MYH9: variants seen among roughly 807,000 people sequenced by gnomAD.
MYH9 encodes myosin heavy chain 9, also known as myosin-9.
In MYH9, 29 loss-of-function variants were observed where a neutral mutation model predicts 241.9. That is an observed-to-expected ratio of 0.12 (90% confidence interval 0.09 to 0.16). MYH9 has a LOEUF of 0.16. Ranked by LOEUF, MYH9 falls within the 10% of genes least tolerant of loss-of-function variation. The pLI is 1.00. For synonymous variants in MYH9, 1,047 were observed against 1,062.6 expected (o/e 0.99, Z 0.29); for missense variants, 1,803 against 2,595.5 (o/e 0.69, Z 6.63).
intron 5 of MYH9, 29 bp downstream of exon 5, chr22:36,326,539 G>T (rs757497827): frequency 6.2e-7 from 1 of 1,601,426 alleles, no homozygotes; most frequent in South Asian, 1.1e-5. Context: ...CAAGCAGGCG[G>T]CCACAGGGAC....
intron 7 of MYH9, among the ~76,000 whole-genome samples, chr22:36,321,363 GC>G (rs1464839225): frequency 6.6e-6 from 1 of 152,158 alleles, no homozygotes; most frequent in Non-Finnish European, 1.5e-5. Context: ...CCTTCAAGGG[GC>G]ATGGCATGTC....
Position 36,306,423 on chromosome 22 carries a change from G to A in MYH9, c.2028C>T (p.His676=), listed in dbSNP as rs768833414. The part of the protein sequence containing the change: ...PNFVRCIIPN[H]EKKAGKLDPH... ...CACCAGGCAGCCGCACCTTCTTCTC[G>A]TGGTTGGGGATGATGCAGCGGACAA... is the stretch of plus-strand genomic sequence containing the variant. The change falls in exon 16 of 41, where the codon CAC becomes CAT. Residue 676 remains histidine, a synonymous_variant. Coordinates refer to ENST00000216181, the MANE Select transcript of MYH9 (RefSeq NM_002473.6). This position sits in a 1 kb window ranked among gnomAD's most constrained non-coding sequence, Gnocchi z 4.1. 13 of 1,613,996 alleles carry A rather than the reference G, an allele frequency of 8.1e-6. No homozygotes were observed. The highest frequency in any genetic ancestry group is 5.5e-5 in the South Asian group (5 of 91,092).
rs1377227571 is a variant in MYH9 at position 36,347,606 on chromosome 22, A to C, written c.333+1298T>G. On this transcript the variant is annotated intron_variant, in intron 2 of 40. Coordinates refer to ENST00000216181, the MANE Select transcript of MYH9 (RefSeq NM_002473.6). ...AAAAATTAGCCAGGCGTGGTGGCACAGGCCTGTAGTCCCAGCCACCAGAGA... is the reference window on the plus strand; with the variant it reads ...AAAAATTAGCCAGGCGTGGTGGCACCGGCCTGTAGTCCCAGCCACCAGAGA... Among the ~76,000 whole-genome samples the C allele has an allele frequency of 4.0e-5, 6 of 151,892 alleles. No individual in the cohort carries two copies. In the East Asian group the frequency reaches 1.2e-3, roughly 29 times the overall value.
At chr22:36,343,311 G>T (rs918788973) in intron 2 of MYH9, among the ~76,000 whole-genome samples, 2 of 152,136 alleles carry the variant, frequency 1.3e-5, no homozygotes, top group African/African-American at 4.8e-5. Flanking sequence ...CAGGGTGAGA[G>T]GATCGCTTGA....
intron 3 of MYH9, among the ~76,000 whole-genome samples, chr22:36,332,415 C>T (rs1017223744): frequency 6.6e-5 from 10 of 152,190 alleles, no homozygotes; most frequent in African/African-American, 2.4e-4. Context: ...CCTTCCGTCG[C>T]TCCCAGGCAC....
chr22:36,286,881 G>A (rs762808692), intron 34 of MYH9, 35 bp from the exon 35 acceptor site: 28 of 1,601,464 alleles, frequency 1.7e-5, no homozygotes, highest in Non-Finnish European at 2.4e-5. Flanking sequence ...ACCCCACCCA[G>A]CTCCTTGGCC....
chr22:36,347,358 G>C (rs947612699), intron 2 of MYH9, among the ~76,000 whole-genome samples: 1 of 151,832 alleles, frequency 6.6e-6, no homozygotes, highest in Non-Finnish European at 1.5e-5. Flanking sequence ...CAGAGTCCCA[G>C]AGCAAGTCTT....
intron 25 of MYH9, among the ~76,000 whole-genome samples, chr22:36,296,092 CG>C (rs2016783160): frequency 6.6e-6 from 1 of 152,182 alleles, no homozygotes; most frequent in Non-Finnish European, 1.5e-5. Flanking sequence ...GACAGGTCAA[CG>C]TAGGTTCACC....
At chr22:36,337,518 C>T (rs1190215663) in intron 3 of MYH9, among the ~76,000 whole-genome samples, 1 of 152,120 alleles carries the variant, frequency 6.6e-6, no homozygotes, top group African/African-American at 2.4e-5. Context: ...GATGGAGGTC[C>T]CCAGGAAGGG....
At chr22:36,339,383 A>G (rs190086360) in intron 3 of MYH9, among the ~76,000 whole-genome samples, 48 of 152,362 alleles carry the variant, frequency 3.2e-4, no homozygotes, top group Admixed American at 9.1e-4. Flanking sequence ...ACCTCTAGAG[A>G]CAAAGAATCA....
At chr22:36,332,627 G>A (rs1476508030) in intron 3 of MYH9, among the ~76,000 whole-genome samples, 2 of 136,418 alleles carry the variant, frequency 1.5e-5, no homozygotes, top group East Asian at 5.0e-4. Context: ...GGCAGAGAAT[G>A]GGTAGCCCTC....
At chr22:36,319,829 C>T in intron 9 of MYH9, 194 bp from the exon 10 acceptor site, 1 of 672,638 alleles carries the variant, frequency 1.5e-6, no homozygotes, top group East Asian at 2.7e-5. Flanking sequence ...AGGGCTCACC[C>T]CCTCCTGGCC....
chr22:36,282,862 CAAAGT>C, intron 40 of MYH9, 77 bp from the exon 41 acceptor site: 1 of 1,310,534 alleles, frequency 7.6e-7, no homozygotes, highest in Non-Finnish European at 1.1e-6. Flanking sequence ...CCACACATCT[CAAAGT>C]GAATTCGAGA....
rs962645547 is a variant in MYH9, at chr22:36,309,378, C to T, written c.1747G>A (p.Glu583Lys). The T allele has an allele frequency of 3.1e-6, 5 of 1,614,172 alleles. No homozygotes were observed. Among genetic ancestry groups the T allele is most frequent in the Non-Finnish European group, 2.5e-6 (3 of 1,180,012 alleles). Residue 583 changes from glutamate to lysine, a missense_variant, in exon 15 of 41, where the codon GAG (glutamate) becomes AAG (lysine). Transcript: ENST00000216181. ...GGATCCATGTTCTTCATCAGCCACT[C>T]GTCAGCTTTGTAATCCACCTGGCGG... ...YAGKVDYKAD[E>K]WLMKNMDPLN...
At chr22:36,374,958 C>G (rs549301346) in intron 1 of MYH9, among the ~76,000 whole-genome samples, 2 of 152,166 alleles carry the variant, frequency 1.3e-5, no homozygotes, top group African/African-American at 4.8e-5. Context: ...AGGCTGCCTC[C>G]TCCAGGAAGC....
At chr22:36,301,976 G>A (rs1287711711) in intron 20 of MYH9, among the ~76,000 whole-genome samples, 1 of 152,102 alleles carries the variant, frequency 6.6e-6, no homozygotes, top group African/African-American at 2.4e-5. Flanking sequence ...GTGTTCCCTA[G>A]GGAACAGCAC....
intron 5 of MYH9, among the ~76,000 whole-genome samples, chr22:36,324,021 G>A (rs926459165): frequency 3.9e-5 from 6 of 152,208 alleles, no homozygotes; most frequent in African/African-American, 9.6e-5. Flanking sequence ...CACCCACTAC[G>A]CCGTTCCTCT....
chr22:36,354,185 A>G (rs568316436), intron 1 of MYH9, among the ~76,000 whole-genome samples: 253 of 152,056 alleles, frequency 1.7e-3, no homozygotes, highest in Non-Finnish European at 3.2e-3. Context: ...TACAGGTGTG[A>G]GCCACCACAC....
chr22:36,382,110 G>A (rs2018265723), intron 1 of MYH9, among the ~76,000 whole-genome samples: 1 of 151,946 alleles, frequency 6.6e-6, no homozygotes, highest in Admixed American at 6.6e-5. Flanking sequence ...TTACAGATGT[G>A]AGCCACCATG....
Sources: allele counts gnomAD v4.1 joint callset (sites outside exome capture counted in the v4.1 genomes callset), GRCh38; gene constraint gnomAD v4.1.1; non-coding constraint Gnocchi (gnomAD v3.1); transcripts MANE v1.5; gene names NCBI Gene and HGNC (gene_info 2026-07-23, HGNC 2026-07-21).